PTP4A3: variants seen among roughly 807,000 people sequenced by gnomAD.
PTP4A3 encodes protein tyrosine phosphatase type IVA 3.
A neutral mutation model predicts 15.2 loss-of-function variants in PTP4A3; 9 were observed. The ratio of observed to expected loss-of-function variants is 0.59; its 90% CI spans 0.36 to 1.03. The LOEUF (loss-of-function observed/expected upper bound fraction) is 1.03, where lower values mean the gene tolerates loss of function less well. Ranked by LOEUF, PTP4A3 falls within the 50% of genes least tolerant of loss-of-function variation. The pLI is 0.02. For missense variants in PTP4A3, 234 were observed against 252.1 expected (o/e 0.93, Z 0.49); for synonymous variants, 95 against 102.0 (o/e 0.93, Z 0.41).
intron 2 of PTP4A3, among the ~76,000 whole-genome samples, chr8:141,422,608 C>G (rs1435771417): frequency 6.6e-6 from 1 of 152,012 alleles, no homozygotes. Flanking sequence ...AGGAGGGACT[C>G]CACGCTGTGT....
At chr8:141,417,953 C>G (rs1259559748) in intron 1 of PTP4A3, among the ~76,000 whole-genome samples, 1 of 151,860 alleles carries the variant, frequency 6.6e-6, no homozygotes, top group Admixed American at 6.6e-5. Context: ...CGCCCCGACC[C>G]AGGGCCAGCA....
intron 1 of PTP4A3, among the ~76,000 whole-genome samples, chr8:141,411,651 G>A (rs1357685120): frequency 2.6e-5 from 4 of 152,336 alleles, no homozygotes; most frequent in Non-Finnish European, 4.4e-5. Flanking sequence ...CCAGGTCAGA[G>A]CTCTTTCCCG....
Position 141,425,704 on chromosome 8 carries a change from CT to C in PTP4A3, c.198+565del, listed in dbSNP as rs1475202249. On this transcript the variant is annotated intron_variant, in intron 3 of 5. Coordinates refer to ENST00000521578, the MANE Select transcript of PTP4A3 (RefSeq NM_032611.3). The surrounding 1 kb of genome is among the most constrained non-coding windows in gnomAD (Gnocchi z 4.2). ...CCCGGCCCGGTGGACGACTGCCCCC[CT>C]GGTGCAGGCCTGCCCAGCTGCGCCT... 2.6e-5 allele frequency among the ~76,000 whole-genome samples: 4 copies of C among 152,178 alleles called. No individual in the cohort carries two copies.
At chr8:141,409,297 C>T (rs1016864356) in intron 1 of PTP4A3, among the ~76,000 whole-genome samples, 6 of 152,240 alleles carry the variant, frequency 3.9e-5, no homozygotes, top group Non-Finnish European at 7.3e-5. Flanking sequence ...AGCCCTGGAG[C>T]TGGCGGGGTA....
In PTP4A3 at chr8:141,431,950, T is replaced by G. The variant is rs10086164; in HGVS notation, c.*906T>G. On this transcript the variant is annotated 3_prime_UTR_variant, in exon 6 of 6. Coordinates refer to ENST00000521578, the MANE Select transcript of PTP4A3 (RefSeq NM_032611.3). Reference sequence around the variant, plus strand: ...CAGGTGGTGGCTTGGGTGGAGGAAGTCACCATCCATCAGCCCAGGGAGGGA... The same window carrying G: ...CAGGTGGTGGCTTGGGTGGAGGAAGGCACCATCCATCAGCCCAGGGAGGGA... 0.66 allele frequency: 100,819 copies of G among 152,236 alleles called. 34,151 individuals carry two copies. The highest frequency in any genetic ancestry group is 0.81 in the African/African-American group (33,495 of 41,530). The allele number at this position is 152,236 out of a possible 1,614,324, so 9.4% of individuals were successfully genotyped here.
intron 5 of PTP4A3, among the ~76,000 whole-genome samples, chr8:141,429,109 G>T (rs1326719601): frequency 6.6e-6 from 1 of 152,266 alleles, no homozygotes. Flanking sequence ...ACTCAGAACA[G>T]CACGGGCGTT....
intron 1 of PTP4A3, among the ~76,000 whole-genome samples, chr8:141,397,585 A>C (rs940287073): frequency 6.6e-6 from 1 of 152,164 alleles, no homozygotes; most frequent in African/African-American, 2.4e-5. Context: ...GGTGGGGTGC[A>C]CGTCCCCTGC....
chr8:141,415,071 C>T (rs990482250), intron 1 of PTP4A3, among the ~76,000 whole-genome samples: 151 of 152,232 alleles, frequency 9.9e-4, no homozygotes, highest in African/African-American at 3.6e-3. Flanking sequence ...CCCTGCACTT[C>T]CTCCTGGAGG....
At chr8:141,415,638 C>T (rs58157502) in intron 1 of PTP4A3, among the ~76,000 whole-genome samples, 288 of 7,924 alleles carry the variant, frequency 0.036, 2 homozygotes, top group African/African-American at 0.097. Flanking sequence ...GGGCAGGGGG[C>T]GGGGCGGGGG....
In PTP4A3 at chr8:141,426,438, CCT is replaced by C. The variant is rs1317200071; in HGVS notation, c.199-500_199-499del. The C allele has an allele frequency of 3.0e-6, 3 of 985,232 alleles. No individual in the cohort carries two copies. The African/African-American group carries it at 5.2e-5, about 17-fold the overall frequency. 61.0% of individuals were successfully genotyped at this position (985,232 alleles called of 1,614,324 possible). A position where few individuals can be genotyped will look rare whatever the true frequency, so the allele number is the denominator to read the frequency against. ...GAGTCCTGCCCTCAGAAATGTGGGCCCTGTCTCGCCCCACAGCCCTGTCTTCA... is the reference window on the plus strand; with the variant it reads ...GAGTCCTGCCCTCAGAAATGTGGGCCGTCTCGCCCCACAGCCCTGTCTTCA... On this transcript the variant is annotated intron_variant, in intron 3 of 5. Transcript: ENST00000521578.
intron 1 of PTP4A3, among the ~76,000 whole-genome samples, chr8:141,420,862 C>G (rs1233028610): frequency 1.4e-5 from 2 of 147,808 alleles, no homozygotes; most frequent in African/African-American, 2.4e-5. Context: ...GCTGGCAGCA[C>G]TGACCGAGTG....
Position 141,418,911 on chromosome 8 carries a change from A to T in PTP4A3, c.-853-2477A>T, listed in dbSNP as rs138718839. Among the ~76,000 whole-genome samples, 532 of 152,288 alleles carry T rather than the reference A, an allele frequency of 3.5e-3. 3 individuals are homozygous for T. Among genetic ancestry groups the T allele is most frequent in the African/African-American group, 0.011 (461 of 41,540 alleles). On this transcript the variant is annotated intron_variant, in intron 1 of 5. Coordinates refer to ENST00000521578, the MANE Select transcript of PTP4A3 (RefSeq NM_032611.3). ...TTTTCTCCCTTGGGGGACAGCCACCAGGCAGGGCAGAGCCACATAGTGGTG... is the reference window on the plus strand; with the variant it reads ...TTTTCTCCCTTGGGGGACAGCCACCTGGCAGGGCAGAGCCACATAGTGGTG...
Position 141,422,249 on chromosome 8 carries a change from G to A in PTP4A3, c.9G>A (p.Arg3=). Residue 3 remains arginine, a synonymous_variant, in exon 2 of 6, where the codon CGG becomes CGA. Transcript: ENST00000521578. MA[R]MNRPAPVEVS... ...GCCCGTCGGGAGGCGCCATGGCTCGGATGAACCGCCCGGCCCCGGTGGAGG... is the reference window on the plus strand; with the variant it reads ...GCCCGTCGGGAGGCGCCATGGCTCGAATGAACCGCCCGGCCCCGGTGGAGG... 3.7e-6 allele frequency: 6 copies of A among 1,612,992 alleles called. No individual in the cohort carries two copies. Among genetic ancestry groups the A allele is most frequent in the Non-Finnish European group, 5.1e-6 (6 of 1,179,980 alleles).
chr8:141,426,606 A>G (rs1301893579), intron 3 of PTP4A3: 1 of 985,324 alleles, frequency 1.0e-6, no homozygotes, highest in African/African-American at 1.7e-5. Flanking sequence ...TTGTGACCCC[A>G]GAACCAGAGC....
intron 1 of PTP4A3, among the ~76,000 whole-genome samples, chr8:141,417,438 T>C (rs1833098508): frequency 6.6e-6 from 1 of 151,954 alleles, no homozygotes; most frequent in African/African-American, 2.4e-5. Context: ...CTGGAGGGAC[T>C]CGGGCGCCCT....
intron 2 of PTP4A3, among the ~76,000 whole-genome samples, chr8:141,424,134 C>T (rs950592510): frequency 1.3e-5 from 2 of 152,122 alleles, no homozygotes; most frequent in African/African-American, 4.8e-5. Context: ...CAGCACCCTG[C>T]CTGCTCCCTG....
In PTP4A3 at chr8:141,414,418, C is replaced by T. The variant is rs552794718; in HGVS notation, c.-853-6970C>T. Among the ~76,000 whole-genome samples, 40 of 151,594 alleles carry T rather than the reference C, an allele frequency of 2.6e-4. No homozygotes were observed. In the South Asian group the frequency reaches 7.9e-3, roughly 30 times the overall value. ...CTGTAGTGGTGGAAGGTGGCTGGGG[C>T]AGGGGAGGTTCACTCACTGGGAGGC... is the stretch of plus-strand genomic sequence containing the variant. On this transcript the variant is annotated intron_variant, in intron 1 of 5. Transcript: ENST00000521578.
chr8:141,394,676 C>A (rs914449933), intron 1 of PTP4A3, among the ~76,000 whole-genome samples: 1 of 152,234 alleles, frequency 6.6e-6, no homozygotes. Context: ...CTTGGTCACA[C>A]GGGTGAACAT....
At chr8:141,430,351 A>G (rs1335277624) in intron 5 of PTP4A3, among the ~76,000 whole-genome samples, 2 of 145,808 alleles carry the variant, frequency 1.4e-5, no homozygotes, top group Non-Finnish European at 3.0e-5. Flanking sequence ...CCCCGCTGTA[A>G]GGACCCGGTG....
Sources: allele counts gnomAD v4.1 joint callset (sites outside exome capture counted in the v4.1 genomes callset), GRCh38; gene constraint gnomAD v4.1.1; non-coding constraint Gnocchi (gnomAD v3.1); transcripts MANE v1.5; gene names NCBI Gene and HGNC (gene_info 2026-07-23, HGNC 2026-07-21).